The following MGAT5 variants were observed in gnomAD, a reference collection of about 807,000 sequenced individuals.
The protein encoded by MGAT5 is alpha-1,6-mannosylglycoprotein 6-beta-N-acetylglucosaminyltransferase.
In MGAT5, 30 loss-of-function variants were observed where a neutral mutation model predicts 94.3. The observed-to-expected ratio is 0.32, with a 90% CI of 0.24 to 0.43. The LOEUF is 0.43. Among genes scored for constraint, MGAT5 ranks in the 20% least tolerant of loss-of-function variants. MGAT5 has a pLI of 1.00. For missense variants in MGAT5, 691 were observed against 905.5 expected (o/e 0.76, Z 3.04); for synonymous variants, 310 against 322.9 (o/e 0.96, Z 0.43).
Position 134,223,531 on chromosome 2 carries a change from A to G in MGAT5, c.-142-30731A>G, listed in dbSNP as rs192809743. 2.6e-5 allele frequency among the ~76,000 whole-genome samples: 4 copies of G among 152,326 alleles called. No individual in the cohort carries two copies. The East Asian group carries it at 5.8e-4, about 22-fold the overall frequency. ...AACCTCTTCCATTAGGGCACCAACT[A>G]AAAATGTGAAGAAAAATTATAATCT... On this transcript the variant is annotated intron_variant, in intron 1 of 16. Coordinates refer to the MGAT5 transcript ENST00000409645.
Position 134,441,935 on chromosome 2 carries a change from G to T in MGAT5, c.2027+20G>T. 6.2e-7 allele frequency: 1 copy of T among 1,608,264 alleles called. No homozygotes were observed. The highest frequency in any genetic ancestry group is 8.5e-7 in the Non-Finnish European group (1 of 1,175,682). On this transcript the variant is annotated intron_variant, in intron 15 of 15. Coordinates refer to ENST00000281923, the MANE Select transcript of MGAT5 (RefSeq NM_002410.5). ...GCTGAAGTAAGTGCCCTGGGGTGGG[G>T]GTGGGGACTCAGCCCCTAGACTCCA...
At chr2:134,270,898 C>A (rs1433469234) in intron 2 of MGAT5, among the ~76,000 whole-genome samples, 1 of 152,160 alleles carries the variant, frequency 6.6e-6, no homozygotes, top group Admixed American at 6.5e-5. Context: ...CTCCGTACTC[C>A]CATCAGACAA....
intron 8 of MGAT5, among the ~76,000 whole-genome samples, chr2:134,345,349 C>G (rs1296161374): frequency 6.6e-6 from 1 of 152,154 alleles, no homozygotes; most frequent in African/African-American, 2.4e-5. Context: ...TCTATTTAAT[C>G]AAATAACAAT....
intron 1 of MGAT5, among the ~76,000 whole-genome samples, chr2:134,193,220 T>A (rs573664213): frequency 6.6e-5 from 10 of 152,042 alleles, no homozygotes; most frequent in Admixed American, 2.6e-4. Context: ...ATTCCCAGAT[T>A]CAAGCAATTC....
At chr2:134,283,515 A>T (rs1343058061) in intron 2 of MGAT5, among the ~76,000 whole-genome samples, 1 of 152,132 alleles carries the variant, frequency 6.6e-6, no homozygotes, top group Admixed American at 6.5e-5. Context: ...TAACAGAAGG[A>T]TCACACATTT....
chr2:134,280,329 C>G (rs1172431452), intron 2 of MGAT5, among the ~76,000 whole-genome samples: 1 of 152,072 alleles, frequency 6.6e-6, no homozygotes, highest in Non-Finnish European at 1.5e-5. Flanking sequence ...CTTCTTTTAC[C>G]CTTGAACATT....
At chr2:134,270,685 G>T in intron 2 of MGAT5, 135 bp downstream of exon 2, 1 of 853,838 alleles carries the variant, frequency 1.2e-6, no homozygotes, top group Non-Finnish European at 1.7e-6. Flanking sequence ...CCATTGTAAA[G>T]ATAAGTCTAA....
upstream of MGAT5, among the ~76,000 whole-genome samples, chr2:134,253,829 C>G (rs72549460): frequency 0.016 from 2,432 of 152,296 alleles, 32 homozygotes; most frequent in Non-Finnish European, 0.024. Flanking sequence ...GCTCACCTCA[C>G]CAGTTGCATG....
rs1238977431 is a variant in MGAT5 at position 134,313,196 on chromosome 2, G to T, written c.407-4333G>T. On this transcript the variant is annotated intron_variant, in intron 2 of 15. Transcript: ENST00000281923. ...CGTCTCTCTCGATACGTGTGTGTCT[G>T]TTGGGACTGTCAGGGAGAATCTGTC... 3.3e-5 allele frequency among the ~76,000 whole-genome samples: 5 copies of T among 151,930 alleles called. No homozygotes were observed. The East Asian group carries it at 9.7e-4, about 29-fold the overall frequency.
rs1454174186 is a variant in MGAT5 at position 134,212,447 on chromosome 2, T to C, written c.-142-41815T>C. Among the ~76,000 whole-genome samples the C allele has an allele frequency of 5.6e-5, 3 of 53,688 alleles. 1 individual carries two copies. The highest frequency in any genetic ancestry group is 2.3e-4 in the Admixed American group (1 of 4,380). 35.2% of individuals were successfully genotyped at this position (53,688 alleles called of 152,430 possible). On this transcript the variant is annotated intron_variant, in intron 1 of 16. Coordinates refer to the MGAT5 transcript ENST00000409645. ...CTTTATTTCTGCCTTCATTTCGTTA[T>C]GTACCCAGTAGTCATTCAGGAGCAG...
intron 2 of MGAT5, among the ~76,000 whole-genome samples, chr2:134,306,583 T>A (rs898100905): frequency 5.3e-5 from 8 of 152,078 alleles, no homozygotes; most frequent in Non-Finnish European, 8.8e-5. Flanking sequence ...GTGCAGGCAA[T>A]CTCTCCTTCT....
chr2:134,271,854 T>C (rs1333522119), intron 2 of MGAT5, among the ~76,000 whole-genome samples: 1 of 152,204 alleles, frequency 6.6e-6, no homozygotes, highest in Non-Finnish European at 1.5e-5. Context: ...TGCTTTTTAA[T>C]AACTGGAACC....
chr2:134,269,673 G>T (rs1053594875), intron 1 of MGAT5, among the ~76,000 whole-genome samples: 1 of 152,176 alleles, frequency 6.6e-6, no homozygotes, highest in Admixed American at 6.5e-5. Context: ...AGAGGGAAGT[G>T]CAGTACTCTT....
intron 1 of MGAT5, among the ~76,000 whole-genome samples, chr2:134,181,831 T>C (rs571962751): frequency 4.6e-5 from 7 of 152,322 alleles, no homozygotes; most frequent in African/African-American, 1.7e-4. Flanking sequence ...CTTGAGTAAA[T>C]TCCTGTTTAG....
intron 1 of MGAT5, among the ~76,000 whole-genome samples, chr2:134,133,266 A>C (rs1045290895): frequency 3.3e-5 from 5 of 152,206 alleles, no homozygotes; most frequent in Admixed American, 3.3e-4. Flanking sequence ...AGACTTTGGA[A>C]TTTTTTTAAA....
At chr2:134,155,220 T>G (rs1044289918) in intron 1 of MGAT5, among the ~76,000 whole-genome samples, 2 of 152,244 alleles carry the variant, frequency 1.3e-5, no homozygotes, top group African/African-American at 4.8e-5. Context: ...GCCACCACCC[T>G]GGCCCAGGCT....
At chr2:134,306,863 C>T (rs1464633458) in intron 2 of MGAT5, among the ~76,000 whole-genome samples, 1 of 152,158 alleles carries the variant, frequency 6.6e-6, no homozygotes, top group African/African-American at 2.4e-5. Flanking sequence ...ATAGTCATGA[C>T]ATTTTCTACC....
At chr2:134,271,552 C>CTTAAGTGGGAGAGAT (rs1684027499) in intron 2 of MGAT5, among the ~76,000 whole-genome samples, 1 of 152,186 alleles carries the variant, frequency 6.6e-6, no homozygotes, top group East Asian at 1.9e-4. Context: ...AATTCACACA[C>CTTAAGTGGGAGAGAT]TTAAGTGGGA....
chr2:134,296,597 A>C (rs886947763), intron 2 of MGAT5, among the ~76,000 whole-genome samples: 45 of 152,164 alleles, frequency 3.0e-4, no homozygotes, highest in African/African-American at 1.0e-3. Context: ...TATAAAGTAC[A>C]TAAGAGACAG....
Sources: allele counts gnomAD v4.1 joint callset (sites outside exome capture counted in the v4.1 genomes callset), GRCh38; gene constraint gnomAD v4.1.1; transcripts MANE v1.5; gene names NCBI Gene and HGNC (gene_info 2026-07-23, HGNC 2026-07-21).